VPS37A: variants seen among roughly 807,000 people sequenced by gnomAD.
VPS37A encodes vacuolar protein sorting-associated protein 37A.
A neutral mutation model predicts 49.8 loss-of-function variants in VPS37A; 30 were observed. The ratio of observed to expected loss-of-function variants is 0.60; its 90% CI spans 0.45 to 0.82. The LOEUF (loss-of-function observed/expected upper bound fraction) is 0.82, where lower values mean the gene tolerates loss of function less well. VPS37A is among the 40% of genes least tolerant of loss of function. VPS37A has a pLI of 0.00. For synonymous variants in VPS37A, 195 were observed against 160.6 expected, an observed-to-expected ratio of 1.21 and a Z score of -1.62; for missense variants, 593 against 464.4, an observed-to-expected ratio of 1.28 and a Z score of -2.55.
chr8:17,300,284 A>G (rs1381186280), downstream of VPS37A: 2 of 1,504,704 alleles, frequency 1.3e-6, no homozygotes, highest in Non-Finnish European at 1.8e-6. Flanking sequence ...TTTTCTATAT[A>G]TGCATGTCTT....
At chr8:17,313,331 G>T in the VPS37A span, 1 of 1,613,210 alleles carries the variant, frequency 6.2e-7, no homozygotes, top group African/African-American at 1.3e-5. Flanking sequence ...TGGCTTTAAT[G>T]TGCCTTAACC....
intron 1 of VPS37A, among the ~76,000 whole-genome samples, chr8:17,264,837 A>G (rs1479702483): frequency 1.3e-5 from 2 of 152,196 alleles, no homozygotes; most frequent in African/African-American, 2.4e-5. Context: ...TGGAAATATC[A>G]TGAATATTGG....
chr8:17,330,563 T>C, the VPS37A span, among the ~76,000 whole-genome samples: 157 of 152,374 alleles, frequency 1.0e-3, no homozygotes, highest in African/African-American at 3.3e-3. Flanking sequence ...ATAACTCTTC[T>C]CTATTACATA....
At chr8:17,257,165 C>T (rs1812541805) in intron 1 of VPS37A, among the ~76,000 whole-genome samples, 1 of 152,114 alleles carries the variant, frequency 6.6e-6, no homozygotes, top group African/African-American at 2.4e-5. Flanking sequence ...TTTCCCAGCA[C>T]CGTTTATTGA....
chr8:17,261,149 C>G (rs1812925454), intron 1 of VPS37A, among the ~76,000 whole-genome samples: 2 of 151,890 alleles, frequency 1.3e-5, no homozygotes, highest in Admixed American at 1.3e-4. Context: ...CGTAGGTGGT[C>G]TTCATTTCTT....
At chr8:17,251,368 A>G (rs1261834015) in intron 1 of VPS37A, among the ~76,000 whole-genome samples, 7 of 152,226 alleles carry the variant, frequency 4.6e-5, no homozygotes, top group Admixed American at 2.6e-4. Flanking sequence ...AAAATCAGCA[A>G]TTGTGATTCC....
the VPS37A span, among the ~76,000 whole-genome samples, chr8:17,312,369 G>A: frequency 6.6e-4 from 101 of 152,204 alleles, no homozygotes; most frequent in Admixed American, 6.0e-3. Flanking sequence ...GAGGTCAGGA[G>A]TCCGTGACCA....
chr8:17,311,774 GC>G, the VPS37A span: 19 of 1,363,824 alleles, frequency 1.4e-5, no homozygotes, highest in South Asian at 8.0e-5. Context: ...TCTGTTTAGG[GC>G]CCCCCCTAAT....
At chr8:17,282,387 A>T (rs1204783012) in intron 9 of VPS37A, among the ~76,000 whole-genome samples, 3 of 152,136 alleles carry the variant, frequency 2.0e-5, no homozygotes, top group Admixed American at 2.0e-4. Context: ...GAAACCATAA[A>T]ACGTCAACTA....
chr8:17,302,040 C>G (rs1817151754), downstream of VPS37A: 3 of 1,406,586 alleles, frequency 2.1e-6, no homozygotes, highest in South Asian at 2.5e-5. Context: ...AGGTGTTCTA[C>G]TGACTAAAAA....
Position 17,247,081 on chromosome 8 carries a change from C to G in VPS37A, c.-164C>G. On this transcript the variant is annotated 5_prime_UTR_variant, in exon 1 of 12. Transcript: ENST00000324849. ...GCCGTTCGTAGCATGTCCCCCAGAA[C>G]TCGGGGAGCGCAGGCAGGACAGGCT... 1.1e-6 allele frequency: 1 copy of G among 909,130 alleles called. No homozygotes were observed. Among genetic ancestry groups the G allele is most frequent in the South Asian group, 1.7e-5 (1 of 59,492 alleles). 56.3% of individuals were successfully genotyped at this position (909,130 alleles called of 1,614,324 possible). A position where few individuals can be genotyped will look rare whatever the true frequency, so the allele number is the denominator to read the frequency against.
At chr8:17,304,437 G>A, downstream of VPS37A, 1 of 1,614,100 alleles carries the variant, frequency 6.2e-7, no homozygotes, top group Non-Finnish European at 8.5e-7. Context: ...GTCTGGCTGT[G>A]ATCAGCTCTA....
chr8:17,265,125 T>C (rs538912223), intron 1 of VPS37A, among the ~76,000 whole-genome samples: 1 of 152,186 alleles, frequency 6.6e-6, no homozygotes, highest in Non-Finnish European at 1.5e-5. Flanking sequence ...CTGCCTAGCT[T>C]TCCTTAGTGC....
intron 1 of VPS37A, among the ~76,000 whole-genome samples, chr8:17,262,773 A>G (rs975964789): frequency 1.3e-5 from 2 of 152,160 alleles, no homozygotes; most frequent in African/African-American, 2.4e-5. Context: ...ATTAAAAATT[A>G]TATTGTAGGC....
At chr8:17,268,220 T>C (rs1813648044) in intron 2 of VPS37A, 38 bp from the exon 3 acceptor site, 1 of 1,407,410 alleles carries the variant, frequency 7.1e-7, no homozygotes, top group Non-Finnish European at 1.0e-6. Context: ...ACCTTTGTTA[T>C]CTTTGTTTTT....
intron 1 of VPS37A, among the ~76,000 whole-genome samples, chr8:17,256,262 TA>T (rs1157674278): frequency 6.8e-6 from 1 of 146,616 alleles, no homozygotes; most frequent in Admixed American, 6.8e-5. Flanking sequence ...GGCTTTTTGA[TA>T]AAAGTCTTTT....
chr8:17,277,332 A>G (rs1415326774), intron 6 of VPS37A, among the ~76,000 whole-genome samples: 1 of 152,196 alleles, frequency 6.6e-6, no homozygotes, highest in African/African-American at 2.4e-5. Flanking sequence ...CAATAACCCC[A>G]TAAGGTAGGA....
intron 1 of VPS37A, among the ~76,000 whole-genome samples, chr8:17,250,930 CA>C (rs1811917053): frequency 6.6e-6 from 1 of 152,138 alleles, no homozygotes; most frequent in Non-Finnish European, 1.5e-5. Flanking sequence ...CTCCTGGGCT[CA>C]AGTAATATGT....
At chr8:17,276,034 A>C (rs1814479842) in intron 5 of VPS37A, among the ~76,000 whole-genome samples, 1 of 152,198 alleles carries the variant, frequency 6.6e-6, no homozygotes, top group African/African-American at 2.4e-5. Flanking sequence ...GTAACTATTC[A>C]GACTGTTGAT....
Sources: gnomAD v4.1 joint callset for allele counts (sites outside exome capture counted in the v4.1 genomes callset) on GRCh38, gnomAD v4.1.1 for gene constraint, MANE v1.5 for transcripts, NCBI Gene and HGNC (gene_info 2026-07-23, HGNC 2026-07-21) for gene names.